The following ST3GAL6 variants were observed in gnomAD, a reference collection of about 807,000 sequenced individuals.
ST3GAL6 encodes type 2 lactosamine alpha-2,3-sialyltransferase.
A neutral mutation model predicts 40.5 loss-of-function variants in ST3GAL6; 31 were observed. The observed-to-expected ratio is 0.77, with a 90% confidence interval of 0.58 to 1.03. The LOEUF is 1.03. Among genes scored for constraint, ST3GAL6 ranks in the 50% least tolerant of loss-of-function variants. The probability of loss-of-function intolerance (pLI) is 0.00; values close to 1 mark genes in which losing one functional copy is unlikely to be tolerated. For synonymous variants in ST3GAL6, 129 were observed against 136.9 expected, an observed-to-expected ratio of 0.94 and a Z score of 0.40; for missense variants, 357 against 393.2, an observed-to-expected ratio of 0.91 and a Z score of 0.78.
At chr3:98,784,859 A>G (rs1940535276) in intron 5 of ST3GAL6, 86 bp from the exon 6 acceptor site, 6 of 1,040,084 alleles carry the variant, frequency 5.8e-6, no homozygotes, top group Non-Finnish European at 5.8e-6. Context: ...GGAATTTGGC[A>G]CTGGGTTTCT....
At chr3:98,793,633 A>G (rs1941389238) in intron 9 of ST3GAL6, 42 bp from the exon 10 acceptor site, 1 of 1,341,682 alleles carries the variant, frequency 7.5e-7, no homozygotes, top group East Asian at 2.5e-5. Flanking sequence ...TAATACTTTG[A>G]GATTGGGAAA....
chr3:98,775,353 G>A (rs1028536528), intron 5 of ST3GAL6, among the ~76,000 whole-genome samples: 4 of 152,162 alleles, frequency 2.6e-5, no homozygotes, highest in African/African-American at 9.6e-5. Flanking sequence ...GCGCATGCCT[G>A]TAGTCCCAGC....
intron 1 of ST3GAL6, among the ~76,000 whole-genome samples, chr3:98,767,713 A>G (rs921533934): frequency 4.6e-5 from 7 of 152,340 alleles, no homozygotes; most frequent in Admixed American, 6.5e-5. Context: ...TTTTTAAAAT[A>G]TATTCTATAA....
chr3:98,756,808 T>C (rs1001888096), intron 1 of ST3GAL6, among the ~76,000 whole-genome samples: 2 of 152,180 alleles, frequency 1.3e-5, no homozygotes, highest in Admixed American at 6.5e-5. Flanking sequence ...TGGGCCTTCT[T>C]TGGGACTCTT....
chr3:98,783,828 G>A, intron 5 of ST3GAL6: 1 of 319,566 alleles, frequency 3.1e-6, no homozygotes, highest in Non-Finnish European at 4.5e-6. Context: ...ATTAAAATAT[G>A]TTAAAAGTAT....
At chr3:98,761,005 T>G (rs1937698530), upstream of ST3GAL6, among the ~76,000 whole-genome samples, 2 of 152,156 alleles carry the variant, frequency 1.3e-5, no homozygotes. Context: ...ATATGAAATT[T>G]TAGAAAAGCA....
At chr3:98,762,665 C>T (rs1210206301), upstream of ST3GAL6, 2 of 491,488 alleles carry the variant, frequency 4.1e-6, no homozygotes, top group Non-Finnish European at 5.3e-6. Flanking sequence ...TGTATCATCC[C>T]CTTGTTTTAT....
Position 98,772,903 on chromosome 3 carries a change from G to C in ST3GAL6, c.258G>C (p.Gly86=). The change falls in exon 4 of 10, where the codon GGG becomes GGC. Residue 86 remains glycine (G), a synonymous_variant. Coordinates refer to ENST00000483910, the MANE Select transcript of ST3GAL6 (RefSeq NM_001323368.2). ...YGSDKFDLPY[G]MRTSAEYFRL... is the part of the protein sequence containing the mutation. ...GCGATAAGTTTGATTTGCCCTATGG[G>C]ATGAGAACATCAGGTCAGTAGTAGT... is the stretch of plus-strand genomic sequence containing the variant. 6.2e-7 allele frequency: 1 copy of C among 1,609,452 alleles called. No homozygotes were observed. Among genetic ancestry groups the C allele is most frequent in the South Asian group, 1.1e-5 (1 of 90,888 alleles).
intron 5 of ST3GAL6, among the ~76,000 whole-genome samples, chr3:98,774,844 C>T (rs756271352): frequency 6.6e-6 from 1 of 152,126 alleles, no homozygotes; most frequent in Non-Finnish European, 1.5e-5. Flanking sequence ...TGTTGGAGAC[C>T]AAGATGCTTG....
intron 1 of ST3GAL6, among the ~76,000 whole-genome samples, chr3:98,754,452 G>A (rs1335013531): frequency 6.6e-6 from 1 of 152,230 alleles, no homozygotes; most frequent in African/African-American, 2.4e-5. Flanking sequence ...AGCAAAGAAA[G>A]TGATTCCTTG....
chr3:98,734,416 A>G (rs1256654218), intron 1 of ST3GAL6, among the ~76,000 whole-genome samples: 1 of 152,218 alleles, frequency 6.6e-6, no homozygotes, highest in Non-Finnish European at 1.5e-5. Flanking sequence ...GATAATGGCA[A>G]CTTTGCTTAT....
intron 5 of ST3GAL6, chr3:98,782,950 A>C: frequency 4.3e-6 from 1 of 235,292 alleles, no homozygotes; most frequent in Non-Finnish European, 8.2e-6. Context: ...TGGCTGCATC[A>C]ATTGGAAATG....
Position 98,768,485 on chromosome 3 carries a change from C to T in ST3GAL6, c.45C>T (p.Leu15=). Residue 15 remains leucine, a synonymous_variant, in exon 2 of 10, where the codon CTC becomes CTT. Coordinates refer to ENST00000483910, the MANE Select transcript of ST3GAL6 (RefSeq NM_001323368.2). ...LVAIFLSAVF[L]YYVLHCILWG... ...CCATATTCCTGAGTGCTGTCTTCCT[C>T]TATTATGTACTGCATTGCATATTAT... The T allele has an allele frequency of 6.2e-7, 1 of 1,613,754 alleles. No homozygotes were observed. Among genetic ancestry groups the T allele is most frequent in the Non-Finnish European group, 8.5e-7 (1 of 1,179,740 alleles).
intron 9 of ST3GAL6, among the ~76,000 whole-genome samples, chr3:98,793,109 A>G (rs1941347222): frequency 6.6e-6 from 1 of 152,142 alleles, no homozygotes; most frequent in African/African-American, 2.4e-5. Flanking sequence ...AAGTATTTCA[A>G]GAATGAGGTA....
chr3:98,775,544 A>AC (rs1380340244), intron 5 of ST3GAL6, among the ~76,000 whole-genome samples: 1 of 151,586 alleles, frequency 6.6e-6, no homozygotes, highest in Non-Finnish European at 1.5e-5. Context: ...AAGATGCTTG[A>AC]CTCCATACAT....
intron 1 of ST3GAL6, among the ~76,000 whole-genome samples, chr3:98,752,864 G>A (rs1481672058): frequency 6.6e-6 from 1 of 152,178 alleles, no homozygotes; most frequent in African/African-American, 2.4e-5. Flanking sequence ...AAATGTTTAT[G>A]TGTTCTGAAT....
intron 5 of ST3GAL6, among the ~76,000 whole-genome samples, chr3:98,775,942 G>A (rs2107233623): frequency 6.6e-6 from 1 of 152,292 alleles, no homozygotes; most frequent in Admixed American, 6.5e-5. Context: ...AGAGACTCTA[G>A]ATAAAGAATG....
At chr3:98,781,650 A>G (rs530048507) in intron 5 of ST3GAL6, among the ~76,000 whole-genome samples, 1 of 152,184 alleles carries the variant, frequency 6.6e-6, no homozygotes, top group South Asian at 2.1e-4. Context: ...CCAGTGTCAG[A>G]CTGGGAACTC....
chr3:98,743,907 C>A (rs113025741), intron 1 of ST3GAL6, among the ~76,000 whole-genome samples: 2,809 of 150,232 alleles, frequency 0.019, 105 homozygotes, highest in African/African-American at 0.066. Flanking sequence ...CCCCTCCCCC[C>A]CCCGCTCCAA....
Sources: gnomAD v4.1 joint callset for allele counts (sites outside exome capture counted in the v4.1 genomes callset) on GRCh38, gnomAD v4.1.1 for gene constraint, MANE v1.5 for transcripts, NCBI Gene and HGNC (gene_info 2026-07-23, HGNC 2026-07-21) for gene names.